The following CREB5 variants were observed in gnomAD, a reference collection of about 807,000 sequenced individuals.
The protein encoded by CREB5 is cAMP responsive element binding protein 5.
Under a neutral mutation model 57.1 loss-of-function variants are expected in CREB5, and 19 were observed. The observed-to-expected ratio is 0.33, with a 90% confidence interval of 0.23 to 0.49. The LOEUF is 0.49. Among genes scored for constraint, CREB5 ranks in the 20% least tolerant of loss-of-function variants. The pLI, the probability that CREB5 is intolerant of heterozygous loss-of-function variation, is 0.99. For missense variants in CREB5, 579 were observed against 671.6 expected (o/e 0.86, Z 1.52); for synonymous variants, 238 against 238.3 (o/e 1.00, Z 0.01).
chr7:28,407,379 A>C (rs901763218), intron 1 of CREB5, among the ~76,000 whole-genome samples: 1 of 152,214 alleles, frequency 6.6e-6, no homozygotes, highest in African/African-American at 2.4e-5. Flanking sequence ...TCAAGTAATA[A>C]AATTCTTAAC....
chr7:28,488,072 G>A, intron 1 of CREB5, 103 bp from the exon 2 acceptor site: 9 of 984,344 alleles, frequency 9.1e-6, no homozygotes, highest in Non-Finnish European at 1.4e-5. Context: ...TATTGGCATA[G>A]AAAGGGGGCT....
At chr7:28,783,368 C>T (rs932632929) in intron 7 of CREB5, among the ~76,000 whole-genome samples, 63 of 151,718 alleles carry the variant, frequency 4.2e-4, no homozygotes, top group African/African-American at 1.4e-3. Flanking sequence ...TTTTTTTGTC[C>T]ACAATGTCAC....
intron 5 of CREB5, 28 bp downstream of exon 5, chr7:28,570,565 G>A (rs1185571562): frequency 1.2e-6 from 2 of 1,604,412 alleles, no homozygotes; most frequent in Non-Finnish European, 1.7e-6. Context: ...GCTGCCCCTG[G>A]GTCCTGGCTG....
intron 1 of CREB5, among the ~76,000 whole-genome samples, chr7:28,403,376 GAATT>G (rs1376873540): frequency 6.6e-6 from 1 of 152,146 alleles, no homozygotes; most frequent in Non-Finnish European, 1.5e-5. Context: ...CACTTGACAT[GAATT>G]ATTTTATTAA....
chr7:28,481,766 T>C (rs541643309), intron 1 of CREB5, among the ~76,000 whole-genome samples: 4 of 152,230 alleles, frequency 2.6e-5, no homozygotes, highest in African/African-American at 9.6e-5. Context: ...TGCATGTGTC[T>C]GTGTGAGACA....
intron 1 of CREB5, among the ~76,000 whole-genome samples, chr7:28,450,194 G>A (rs996729395): frequency 6.6e-6 from 1 of 152,132 alleles, no homozygotes; most frequent in Non-Finnish European, 1.5e-5. Flanking sequence ...TTTGATTGAT[G>A]AATCCTGTTG....
Position 28,560,845 on chromosome 7 carries a change from C to CGTGTGTGTGCGCGCGT in CREB5, c.292-9519_292-9518insTGTGTGTGCGCGCGTG, listed in dbSNP as rs1396686194. Among the ~76,000 whole-genome samples, 3 of 41,362 alleles carry CGTGTGTGTGCGCGCGT rather than the reference C, an allele frequency of 7.3e-5. 1 individual carries two copies. The highest frequency in any genetic ancestry group is 5.6e-5 in the Non-Finnish European group (1 of 17,842). 27.1% of individuals were successfully genotyped at this position (41,362 alleles called of 152,430 possible). A position where few individuals can be genotyped will look rare whatever the true frequency, so the allele number is the denominator to read the frequency against. On this transcript the variant is annotated intron_variant, in intron 4 of 10. Transcript: ENST00000357727. The stretch of plus-strand genomic sequence containing the variant: ...GTGCGCGCGCGCGCGTGTGTGTGTG[C>CGTGTGTGTGCGCGCGT]GCGTGTGTGTGTGCGTGTGCCTGCG...
chr7:28,395,828 C>T (rs1328297274), intron 1 of CREB5, among the ~76,000 whole-genome samples: 1 of 151,238 alleles, frequency 6.6e-6, no homozygotes, highest in African/African-American at 2.4e-5. Context: ...TAACTCTAGG[C>T]AAATTCCTCA....
chr7:28,528,160 C>T (rs1336082160), intron 4 of CREB5, among the ~76,000 whole-genome samples: 2 of 152,198 alleles, frequency 1.3e-5, no homozygotes, highest in Non-Finnish European at 1.5e-5. Flanking sequence ...GATGTACTGA[C>T]ACTTCAAGAC....
intron 4 of CREB5, among the ~76,000 whole-genome samples, chr7:28,518,963 A>T (rs539193514): frequency 6.6e-6 from 1 of 152,242 alleles, no homozygotes; most frequent in Non-Finnish European, 1.5e-5. Flanking sequence ...GTTAGAATAC[A>T]TCAAGATCTG....
intron 5 of CREB5, among the ~76,000 whole-genome samples, chr7:28,690,629 C>T (rs1801201298): frequency 6.6e-6 from 1 of 152,134 alleles, no homozygotes; most frequent in East Asian, 1.9e-4. Context: ...AGACTGACCT[C>T]GAGGAGCCAT....
intron 5 of CREB5, among the ~76,000 whole-genome samples, chr7:28,706,996 G>A (rs891684870): frequency 2.0e-5 from 3 of 152,152 alleles, no homozygotes; most frequent in Non-Finnish European, 2.9e-5. Context: ...GCCAAGCTCA[G>A]TGCTCTCAAA....
At chr7:28,657,341 G>A (rs896595748) in intron 5 of CREB5, among the ~76,000 whole-genome samples, 1 of 152,200 alleles carries the variant, frequency 6.6e-6, no homozygotes, top group Non-Finnish European at 1.5e-5. Context: ...ATTCTCGCCA[G>A]TGATATTAGA....
intron 1 of CREB5, among the ~76,000 whole-genome samples, chr7:28,309,840 T>C (rs929861193): frequency 3.3e-5 from 5 of 152,188 alleles, no homozygotes; most frequent in African/African-American, 1.2e-4. Flanking sequence ...CTTCTCTGAT[T>C]TCTGCCACTG....
intron 1 of CREB5, among the ~76,000 whole-genome samples, chr7:28,484,778 C>T (rs1206906152): frequency 1.3e-5 from 2 of 152,154 alleles, no homozygotes; most frequent in Admixed American, 6.6e-5. Context: ...CTGTATTTCT[C>T]AACTTGTGTC....
At chr7:28,643,403 T>A (rs774195731) in intron 5 of CREB5, among the ~76,000 whole-genome samples, 13 of 152,216 alleles carry the variant, frequency 8.5e-5, no homozygotes, top group Non-Finnish European at 1.8e-4. Context: ...CATTCCAAAC[T>A]GGCTAGAAAA....
chr7:28,448,917 G>A (rs1351218405), intron 1 of CREB5, among the ~76,000 whole-genome samples: 2 of 152,224 alleles, frequency 1.3e-5, no homozygotes, highest in African/African-American at 4.8e-5. Flanking sequence ...GATGCAGGCC[G>A]TTGTGACTTC....
chr7:28,435,126 A>G (rs3757677), intron 1 of CREB5, among the ~76,000 whole-genome samples: 46,310 of 143,490 alleles, frequency 0.32, 8,021 homozygotes, highest in Middle Eastern at 0.4. Flanking sequence ...CACTCAACCT[A>G]TAACTAGCTG....
chr7:28,489,452 A>C (rs1243765392), intron 2 of CREB5, among the ~76,000 whole-genome samples: 1 of 151,808 alleles, frequency 6.6e-6, no homozygotes, highest in Non-Finnish European at 1.5e-5. Flanking sequence ...GGTGCCCGCC[A>C]CCACGCCCGG....
Sources: gnomAD v4.1 joint callset for allele counts (sites outside exome capture counted in the v4.1 genomes callset) on GRCh38, gnomAD v4.1.1 for gene constraint, MANE v1.5 for transcripts, NCBI Gene and HGNC (gene_info 2026-07-23, HGNC 2026-07-21) for gene names.